The following KIFC3 variants were observed in gnomAD, a reference collection of about 807,000 sequenced individuals.
KIFC3 encodes kinesin-like protein KIFC3.
Under a neutral mutation model 101.8 loss-of-function variants are expected in KIFC3, and 60 were observed. That is an observed-to-expected ratio of 0.59 (90% confidence interval 0.48 to 0.73). KIFC3 has a LOEUF of 0.73. Among genes scored for constraint, KIFC3 ranks in the 30% least tolerant of loss-of-function variants. The pLI is 0.00. For missense variants in KIFC3, 966 were observed against 1,137.1 expected, an observed-to-expected ratio of 0.85 and a Z score of 2.16; for synonymous variants, 476 against 482.7, an observed-to-expected ratio of 0.99 and a Z score of 0.18.
chr16:57,826,264 G>A (rs980633544), intron 1 of KIFC3, among the ~76,000 whole-genome samples: 2 of 152,198 alleles, frequency 1.3e-5, no homozygotes, highest in African/African-American at 2.4e-5. Context: ...AGCTCTCCAC[G>A]TCATGCATAC....
rs1203444600 is a variant in KIFC3, at chr16:57,761,238, A to G, written c.1873-67T>C. ...GGGGTCCTCAGAGTCACCTGGCCCC[A>G]AGCACCCATGAGGAGTGGCACCACC... On this transcript the variant is annotated intron_variant, in intron 14 of 19. Transcript: ENST00000445690. 3 of 1,600,174 alleles carry G rather than the reference A, an allele frequency of 1.9e-6. No individual in the cohort carries two copies. In the East Asian group the frequency reaches 6.7e-5, roughly 36 times the overall value.
Position 57,855,909 on chromosome 16 carries a change from G to A in KIFC3, c.108+6820C>T, listed in dbSNP as rs752417307. 1.5e-4 allele frequency among the ~76,000 whole-genome samples: 22 copies of A among 147,524 alleles called. 1 individual carries two copies. In the Middle Eastern group the frequency reaches 0.011, roughly 73 times the overall value. On this transcript the variant is annotated intron_variant, in intron 1 of 2. Coordinates refer to the KIFC3 transcript ENST00000563028. ...TGTAGTGAGCCAAGATCATGCCACT[G>A]CACTCCAGCCTGGGTGACAGAGTGA...
chr16:57,804,198 A>C (rs1218184499), upstream of KIFC3, among the ~76,000 whole-genome samples: 1 of 152,236 alleles, frequency 6.6e-6, no homozygotes, highest in Non-Finnish European at 1.5e-5. Flanking sequence ...CACACACTGG[A>C]GATAAATGCT....
Position 57,788,630 on chromosome 16 carries a change from G to A in KIFC3, c.315+6369C>T, listed in dbSNP as rs1555618878. ...CTTCCCGGGCCTCCCGGGCCCGCCT[G>A]GGGGCCGGCGCCTGTCTCTTCCAAA... is the stretch of plus-strand genomic sequence containing the variant. On this transcript the variant is annotated intron_variant, in intron 3 of 19. Coordinates refer to ENST00000445690, the MANE Select transcript of KIFC3 (RefSeq NM_001130100.2). 3.9e-6 allele frequency: 5 copies of A among 1,289,442 alleles called. No homozygotes were observed. In the Admixed American group the frequency reaches 1.1e-4, roughly 30 times the overall value. The allele number at this position is 1,289,442 out of a possible 1,614,324, so 79.9% of individuals were successfully genotyped here.
At chr16:57,826,909 G>A (rs1326327104) in intron 1 of KIFC3, among the ~76,000 whole-genome samples, 2 of 152,174 alleles carry the variant, frequency 1.3e-5, no homozygotes, top group African/African-American at 4.8e-5. Context: ...GTGCGTCTGG[G>A]GCTGCTCCAC....
rs2050008291 is a variant in KIFC3, at chr16:57,762,696, G to A, written c.1618-426C>T. The stretch of plus-strand genomic sequence containing the variant: ...GGTGGTAGAGAGGAGGCACAAGGAG[G>A]AGCGGGCCAGTGTCCTGGGGAAGGA... On this transcript the variant is annotated intron_variant, in intron 12 of 19. Transcript: ENST00000445690. Among the ~76,000 whole-genome samples the A allele has an allele frequency of 3.3e-5, 5 of 152,242 alleles. No individual in the cohort carries two copies. The South Asian group carries it at 1.0e-3, about 32-fold the overall frequency.
upstream of KIFC3, among the ~76,000 whole-genome samples, chr16:57,803,877 C>T (rs1385731661): frequency 1.3e-5 from 2 of 152,194 alleles, no homozygotes; most frequent in Admixed American, 6.5e-5. Flanking sequence ...TCTGCCTGCC[C>T]TCCAAACAGC....
chr16:57,810,058 A>G (rs1411693035), intron 1 of KIFC3, among the ~76,000 whole-genome samples: 1 of 152,132 alleles, frequency 6.6e-6, no homozygotes, highest in Non-Finnish European at 1.5e-5. Flanking sequence ...GGAACGCCTC[A>G]GTACCCCGCG....
intron 1 of KIFC3, among the ~76,000 whole-genome samples, chr16:57,854,978 G>A (rs2056134032): frequency 6.6e-6 from 1 of 152,178 alleles, no homozygotes. Flanking sequence ...CCAGCACTTT[G>A]GGAAGTCAAG....
intron 3 of KIFC3, chr16:57,788,629 T>C: frequency 7.8e-7 from 1 of 1,289,590 alleles, no homozygotes; most frequent in South Asian, 1.2e-5. Flanking sequence ...CGGGCCCGCC[T>C]GGGGGCCGGC....
intron 2 of KIFC3, among the ~76,000 whole-genome samples, chr16:57,795,889 T>G (rs1245814397): frequency 1.2e-5 from 1 of 81,600 alleles, no homozygotes; most frequent in Non-Finnish European, 3.3e-5. Flanking sequence ...TTTTTGTTTT[T>G]TTTTTTTTTT....
chr16:57,787,417 G>A lies in KIFC3; in HGVS notation c.315+7582C>T, dbSNP rs370338845. Among the ~76,000 whole-genome samples, 12 of 152,368 alleles carry A rather than the reference G, an allele frequency of 7.9e-5. No individual in the cohort carries two copies. The South Asian group carries it at 1.9e-3, about 24-fold the overall frequency. On this transcript the variant is annotated intron_variant, in intron 3 of 19. Transcript: ENST00000445690. ...TCATCCAGAACACTGCTCACGCCACGGGATGTCACCCCTGCAGGGGCTCGC... is the reference window on the plus strand; with the variant it reads ...TCATCCAGAACACTGCTCACGCCACAGGATGTCACCCCTGCAGGGGCTCGC...
At position 57,798,236 on chromosome 16, in the gene KIFC3, G is replaced by C. The variant is rs1459361849; in HGVS notation, c.8C>G (p.Pro3Arg). The C allele has an allele frequency of 3.9e-6, 6 of 1,552,020 alleles. No individual in the cohort carries two copies. In the African/African-American group the frequency reaches 8.2e-5, roughly 21 times the overall value. Reference sequence around the variant, plus strand: ...TCCCAGGTTCCACGTCCTGCGAGAGGGGACCATGGCCTGGGGCTCAGCAGC... The same window carrying C: ...TCCCAGGTTCCACGTCCTGCGAGAGCGGACCATGGCCTGGGGCTCAGCAGC... MV[P>R]SRRTWNLGAT... Residue 3 changes from proline to arginine, a missense_variant, in exon 2 of 20, where the codon CCC becomes CGC. Physicochemically the swap from Pro to Arg is moderately radical, Grantham distance 103. This residue lies in a region of KIFC3 where 277 missense variants were observed against 252.5 expected (regional missense o/e 1.10). Transcript: ENST00000445690.
rs573171001 is a variant in KIFC3 at position 57,758,882 on chromosome 16, C to A, written c.*52G>T. On this transcript the variant is annotated 3_prime_UTR_variant, in exon 20 of 20. Coordinates refer to ENST00000445690, the MANE Select transcript of KIFC3 (RefSeq NM_001130100.2). ...GCTTCAGGCCCAGCGGGGTCACATC[C>A]GTCACACAGGCAGTGGCCGCGACTT... is the stretch of plus-strand genomic sequence containing the variant. 1 of 1,597,866 alleles carries A rather than the reference C, an allele frequency of 6.3e-7. No individual in the cohort carries two copies. Among genetic ancestry groups the A allele is most frequent in the African/African-American group, 1.3e-5 (1 of 74,508 alleles).
intron 1 of KIFC3, among the ~76,000 whole-genome samples, chr16:57,852,475 T>C (rs1236465369): frequency 1.3e-5 from 2 of 152,196 alleles, no homozygotes; most frequent in Non-Finnish European, 2.9e-5. Context: ...CATCCCTGGG[T>C]TTCGGGTGCG....
intron 1 of KIFC3, among the ~76,000 whole-genome samples, chr16:57,815,090 G>A (rs1271323260): frequency 6.6e-6 from 1 of 152,184 alleles, no homozygotes; most frequent in Non-Finnish European, 1.5e-5. Context: ...TGTCCAGGCT[G>A]GGGTGATACC....
chr16:57,803,356 C>A (rs2054850536), upstream of KIFC3: 2 of 639,626 alleles, frequency 3.1e-6, no homozygotes, highest in Admixed American at 4.2e-5. Flanking sequence ...TATTCCAGAG[C>A]CAGCAGCAAT....
chr16:57,800,269 C>T (rs782134036), intron 1 of KIFC3, among the ~76,000 whole-genome samples: 3 of 152,150 alleles, frequency 2.0e-5, no homozygotes, highest in Non-Finnish European at 4.4e-5. Context: ...AACTAGGAGG[C>T]TCCTAGGTTC....
chr16:57,789,918 A>G (rs782368275), intron 3 of KIFC3, among the ~76,000 whole-genome samples: 62 of 151,002 alleles, frequency 4.1e-4, no homozygotes, highest in Non-Finnish European at 4.7e-4. Context: ...TGTATTTTTA[A>G]TAGAGACAGG....
Sources: gnomAD v4.1 joint callset for allele counts (sites outside exome capture counted in the v4.1 genomes callset) on GRCh38, gnomAD v4.1.1 for gene constraint, gnomAD v4.1.1 regional missense constraint, MANE v1.5 for transcripts, NCBI Gene and HGNC (gene_info 2026-07-23, HGNC 2026-07-21) for gene names.